KCNIP4: variants seen among roughly 807,000 people sequenced by gnomAD.
The protein encoded by KCNIP4 is potassium voltage-gated channel interacting protein 4.
Under a neutral mutation model 34.0 loss-of-function variants are expected in KCNIP4, and 12 were observed. The observed-to-expected ratio is 0.35, with a 90% CI of 0.23 to 0.57. KCNIP4 has a LOEUF of 0.57. Ranked by LOEUF, KCNIP4 falls within the 20% of genes least tolerant of loss-of-function variation. The pLI is 0.83. For missense variants in KCNIP4, 238 were observed against 311.7 expected, an observed-to-expected ratio of 0.76 and a Z score of 1.78; for synonymous variants, 124 against 102.2, an observed-to-expected ratio of 1.21 and a Z score of -1.29.
chr4:21,671,133 A>T (rs1280607534), intron 1 of KCNIP4, among the ~76,000 whole-genome samples: 1 of 151,868 alleles, frequency 6.6e-6, no homozygotes, highest in Non-Finnish European at 1.5e-5. Context: ...GCCGACTTTG[A>T]TTTTATTTTT....
intron 3 of KCNIP4, among the ~76,000 whole-genome samples, chr4:20,825,845 T>C (rs1037319192): frequency 2.6e-4 from 40 of 152,280 alleles, no homozygotes; most frequent in African/African-American, 8.9e-4. Flanking sequence ...CCCTTGAAGA[T>C]GAAAGAATTC....
At chr4:21,745,479 A>G (rs1716708148) in intron 1 of KCNIP4, among the ~76,000 whole-genome samples, 1 of 152,192 alleles carries the variant, frequency 6.6e-6, no homozygotes, top group Non-Finnish European at 1.5e-5. Flanking sequence ...AATATCTTAC[A>G]TGAGACAGTT....
intron 1 of KCNIP4, among the ~76,000 whole-genome samples, chr4:21,916,798 T>C (rs1221599314): frequency 1.3e-5 from 2 of 152,206 alleles, no homozygotes; most frequent in Non-Finnish European, 2.9e-5. Flanking sequence ...TCCAGCAGAA[T>C]TGGGGCCAAT....
At chr4:20,832,621 T>C (rs993069001) in intron 3 of KCNIP4, among the ~76,000 whole-genome samples, 3 of 150,082 alleles carry the variant, frequency 2.0e-5, no homozygotes, top group East Asian at 2.0e-4. Context: ...AAAATGAAAA[T>C]AGAAATTAGG....
At chr4:21,645,004 A>G (rs1342220732) in intron 1 of KCNIP4, among the ~76,000 whole-genome samples, 3 of 152,184 alleles carry the variant, frequency 2.0e-5, no homozygotes, top group Non-Finnish European at 4.4e-5. Flanking sequence ...GATAACTCTT[A>G]TTGAACATTA....
At chr4:21,119,556 C>A (rs942210316) in intron 1 of KCNIP4, among the ~76,000 whole-genome samples, 9 of 151,338 alleles carry the variant, frequency 5.9e-5, no homozygotes, top group Non-Finnish European at 1.0e-4. Context: ...AAATAACTAG[C>A]GTAACCAAAC....
chr4:21,480,758 A>C (rs1296771840), intron 1 of KCNIP4, among the ~76,000 whole-genome samples: 2 of 151,890 alleles, frequency 1.3e-5, no homozygotes, highest in East Asian at 3.9e-4. Context: ...GTAAAACATA[A>C]ATGGAGAACA....
intron 1 of KCNIP4, among the ~76,000 whole-genome samples, chr4:21,153,531 ATATAT>A (rs1752919087): frequency 4.7e-5 from 7 of 147,752 alleles, no homozygotes; most frequent in South Asian, 2.1e-4. Context: ...ATATATATAT[ATATAT>A]ATATATGCTT....
chr4:21,366,453 G>T (rs1719774608), intron 1 of KCNIP4, among the ~76,000 whole-genome samples: 2 of 152,156 alleles, frequency 1.3e-5, no homozygotes, highest in Non-Finnish European at 2.9e-5. Context: ...AAATTCCTGT[G>T]GTAAGAGAGC....
At chr4:21,548,229 G>A (rs116814605) in intron 1 of KCNIP4, among the ~76,000 whole-genome samples, 1,675 of 152,094 alleles carry the variant, frequency 0.011, 32 homozygotes, top group African/African-American at 0.037. Context: ...TTTATATTCT[G>A]CAGCATTTCG....
At chr4:21,004,379 T>C (rs536375895) in intron 1 of KCNIP4, among the ~76,000 whole-genome samples, 1 of 152,312 alleles carries the variant, frequency 6.6e-6, no homozygotes, top group African/African-American at 2.4e-5. Context: ...GGTGATGACA[T>C]AGGGAGACCA....
chr4:20,938,778 T>A (rs964232462), intron 1 of KCNIP4, among the ~76,000 whole-genome samples: 10 of 152,194 alleles, frequency 6.6e-5, no homozygotes, highest in Admixed American at 6.5e-4. Flanking sequence ...ATCTTTCTAT[T>A]GCTTATTTTT....
chr4:21,324,026 G>A (rs750145995), intron 1 of KCNIP4, among the ~76,000 whole-genome samples: 11 of 151,890 alleles, frequency 7.2e-5, no homozygotes, highest in Non-Finnish European at 1.5e-4. Flanking sequence ...TCATATATCT[G>A]TTTGGCAACT....
intron 1 of KCNIP4, among the ~76,000 whole-genome samples, chr4:21,110,859 C>G (rs1349023926): frequency 6.6e-6 from 1 of 152,128 alleles, no homozygotes; most frequent in Non-Finnish European, 1.5e-5. Flanking sequence ...TTCCTACAGA[C>G]CAGAACCGTG....
At chr4:21,309,585 G>C (rs1712900199) in intron 1 of KCNIP4, among the ~76,000 whole-genome samples, 1 of 152,162 alleles carries the variant, frequency 6.6e-6, no homozygotes, top group African/African-American at 2.4e-5. Flanking sequence ...CTATCTGAGA[G>C]ACTAGCACAC....
At chr4:20,976,424 A>C in intron 1 of KCNIP4, among the ~76,000 whole-genome samples, 1 of 152,216 alleles carries the variant, frequency 6.6e-6, no homozygotes, top group East Asian at 1.9e-4. Context: ...TGGATGAAGA[A>C]TGGAGCTAGA....
At chr4:21,681,960 C>G (rs980026607) in intron 1 of KCNIP4, among the ~76,000 whole-genome samples, 1 of 151,796 alleles carries the variant, frequency 6.6e-6, no homozygotes, top group African/African-American at 2.4e-5. Flanking sequence ...ACGGCCTTGG[C>G]TCATCACAAC....
intron 1 of KCNIP4, among the ~76,000 whole-genome samples, chr4:21,585,023 C>T (rs946246576): frequency 3.9e-5 from 6 of 152,020 alleles, no homozygotes; most frequent in Middle Eastern, 6.3e-3. Context: ...GAACAAAAAG[C>T]TTAACATAGT....
intron 1 of KCNIP4, among the ~76,000 whole-genome samples, chr4:21,665,520 C>A (rs115032374): frequency 2.5e-4 from 38 of 150,250 alleles, no homozygotes; most frequent in African/African-American, 7.9e-4. Flanking sequence ...CACCCCCCCC[C>A]CCTCATTTTA....
Sources: gnomAD v4.1 joint callset for allele counts (sites outside exome capture counted in the v4.1 genomes callset) on GRCh38, gnomAD v4.1.1 for gene constraint, MANE v1.5 for transcripts, NCBI Gene and HGNC (gene_info 2026-07-23, HGNC 2026-07-21) for gene names.